The following NTRK1 variants were observed in gnomAD, a reference collection of about 807,000 sequenced individuals.
The protein encoded by NTRK1 is neurotrophic receptor tyrosine kinase 1.
Under a neutral mutation model 86.8 loss-of-function variants are expected in NTRK1, and 62 were observed. The ratio of observed to expected loss-of-function variants is 0.71; its 90% CI spans 0.58 to 0.88. The LOEUF (loss-of-function observed/expected upper bound fraction) is 0.88, where lower values mean the gene tolerates loss of function less well. Ranked by LOEUF, NTRK1 falls within the 40% of genes least tolerant of loss-of-function variation. The probability of loss-of-function intolerance (pLI) is 0.00; values close to 1 mark genes in which losing one functional copy is unlikely to be tolerated. For missense variants in NTRK1, 967 were observed against 1,078.4 expected (o/e 0.90, Z 1.45); for synonymous variants, 469 against 456.6 (o/e 1.03, Z -0.35).
chr1:156,818,114 T>C (rs1654066913), intron 1 of NTRK1, among the ~76,000 whole-genome samples: 1 of 152,098 alleles, frequency 6.6e-6, no homozygotes, highest in Non-Finnish European at 1.5e-5. Flanking sequence ...GTCTGAGAAG[T>C]TGGTGTGAGT....
At chr1:156,839,312 G>C (rs1654691492) in intron 1 of NTRK1, among the ~76,000 whole-genome samples, 1 of 152,262 alleles carries the variant, frequency 6.6e-6, no homozygotes, top group African/African-American at 2.4e-5. Context: ...GACCCAGAGT[G>C]TGTGGCATGT....
chr1:156,848,465 C>G (rs1381975467), intron 2 of NTRK1, among the ~76,000 whole-genome samples: 1 of 152,180 alleles, frequency 6.6e-6, no homozygotes, highest in Non-Finnish European at 1.5e-5. Context: ...TCAGTTGACT[C>G]TCTCCAAAGA....
At chr1:156,825,524 G>A (rs1337907813) in intron 1 of NTRK1, among the ~76,000 whole-genome samples, 1 of 152,144 alleles carries the variant, frequency 6.6e-6, no homozygotes, top group African/African-American at 2.4e-5. Flanking sequence ...TGCTTTCAGG[G>A]AACAAAACTG....
At chr1:156,865,951 T>C (rs1159264946) in intron 3 of NTRK1, among the ~76,000 whole-genome samples, 2 of 152,262 alleles carry the variant, frequency 1.3e-5, no homozygotes, top group Non-Finnish European at 2.9e-5. Context: ...AAAAACGTGC[T>C]CAATGACACT....
Position 156,846,174 on chromosome 1 carries a change from A to C in NTRK1, c.50+3981A>C, listed in dbSNP as rs575489231. The C allele has an allele frequency of 2.3e-5, 34 of 1,496,490 alleles. No homozygotes were observed. In the Admixed American group the frequency reaches 6.8e-4, roughly 30 times the overall value. The allele number at this position is 1,496,490 out of a possible 1,614,324, so 92.7% of individuals were successfully genotyped here. On this transcript the variant is annotated intron_variant, in intron 2 of 16. Transcript: ENST00000392302. Reference sequence around the variant, plus strand: ...GGTGTGGGTCTTCCTCCTGAATACTATCTAGTAATGAGCCCTCCTTTCTGG... The same window carrying C: ...GGTGTGGGTCTTCCTCCTGAATACTCTCTAGTAATGAGCCCTCCTTTCTGG...
intron 2 of NTRK1, among the ~76,000 whole-genome samples, chr1:156,850,843 C>G (rs796960452): frequency 6.6e-6 from 1 of 152,132 alleles, no homozygotes; most frequent in Non-Finnish European, 1.5e-5. Context: ...AGGTGTGAGC[C>G]ACCGTGCCTG....
chr1:156,875,599 C>G lies in NTRK1; in HGVS notation c.1434C>G (p.Pro478=), dbSNP rs1647854186. 6.2e-7 allele frequency: 1 copy of G among 1,613,958 alleles called. No homozygotes were observed. The highest frequency in any genetic ancestry group is 1.7e-5 in the Admixed American group (1 of 60,024). Reference sequence around the variant, plus strand: ...CATTGGGTGGCAGCTCCCTGTCCCCCACCGAGGGCAAAGGCTCTGGGCTCC... The same window carrying G: ...CATTGGGTGGCAGCTCCCTGTCCCCGACCGAGGGCAAAGGCTCTGGGCTCC... ...FMTLGGSSLS[P]TEGKGSGLQG... The change falls in exon 12 of 17, where the codon CCC becomes CCG. Residue 478 remains proline, a synonymous_variant. Transcript: ENST00000524377.
intron 2 of NTRK1, chr1:156,846,823 C>G (rs923674876): frequency 2.4e-6 from 3 of 1,265,336 alleles, no homozygotes; most frequent in Non-Finnish European, 3.5e-6. Flanking sequence ...CACCCCCGCT[C>G]TGAATCACCC....
chr1:156,838,405 T>C (rs1473053421), intron 1 of NTRK1, among the ~76,000 whole-genome samples: 3 of 150,992 alleles, frequency 2.0e-5, no homozygotes, highest in Admixed American at 2.0e-4. Context: ...TCTGTCTGAA[T>C]CTGGGGAAGA....
intron 1 of NTRK1, among the ~76,000 whole-genome samples, chr1:156,836,098 A>C (rs11264569): frequency 0.63 from 95,764 of 151,958 alleles, 30,774 homozygotes; most frequent in East Asian, 0.8. Flanking sequence ...CGTGTCTGTC[A>C]GCCCCCCTCC....
At chr1:156,851,335 A>T (rs754949635) in intron 2 of NTRK1, 1 of 1,614,172 alleles carries the variant, frequency 6.2e-7, no homozygotes, top group Non-Finnish European at 8.5e-7. Context: ...GTTCTTGAAA[A>T]AGCCCAGGGA....
At chr1:156,875,150 C>A (rs1206939894) in intron 11 of NTRK1, 142 bp downstream of exon 11, 3 of 719,970 alleles carry the variant, frequency 4.2e-6, no homozygotes, top group South Asian at 1.6e-5. Flanking sequence ...TAAATGAAGG[C>A]CTGGCTGTGA....
chr1:156,840,731 T>TCCCTGCTCCTGTTCTCTGC (rs1201755348), intron 1 of NTRK1: 1 of 679,994 alleles, frequency 1.5e-6, no homozygotes, highest in Non-Finnish European at 2.6e-6. Flanking sequence ...CCCACAGCCT[T>TCCCTGCTCCTGTTCTCTGC]CCCTGCTCCT....
In NTRK1 at chr1:156,851,406, G is replaced by A. The variant is rs140072588; in HGVS notation, c.50+9213G>A. On this transcript the variant is annotated intron_variant, in intron 2 of 16. Transcript: ENST00000392302. ...CAGTAATGGTTTCTACCAGCCCCAG[G>A]CTGTGCTGCAGCTGTGGCTCCAGGT... The A allele has an allele frequency of 9.7e-4, 1,566 of 1,614,164 alleles. 15 individuals are homozygous for A. The African/African-American group carries it at 0.019, about 19-fold the overall frequency.
In NTRK1 at chr1:156,873,797, G is replaced by A. The variant is rs1213393905; in HGVS notation, c.1015G>A (p.Glu339Lys). The A allele has an allele frequency of 3.7e-6, 6 of 1,613,130 alleles. No homozygotes were observed. Among genetic ancestry groups the A allele is most frequent in the Admixed American group, 1.7e-5 (1 of 59,894 alleles). ...FTEFLEPAANETVRHGCLRLN... is the reference protein window; with the variant it reads ...FTEFLEPAANKTVRHGCLRLN... Reference sequence around the variant, plus strand: ...TGAGTTCCTGGAGCCGGCAGCCAATGAGACCGTGCGGCACGGGTGTCTGCG... The same window carrying A: ...TGAGTTCCTGGAGCCGGCAGCCAATAAGACCGTGCGGCACGGGTGTCTGCG... Residue 339 changes from glutamate to lysine, a missense_variant, in exon 8 of 17, where the codon GAG becomes AAG. Glu to Lys is a moderately conservative substitution (Grantham distance 56). Coordinates refer to ENST00000524377, the MANE Select transcript of NTRK1 (RefSeq NM_002529.4).
chr1:156,849,445 G>C, intron 2 of NTRK1: 2 of 1,401,332 alleles, frequency 1.4e-6, no homozygotes, highest in South Asian at 2.3e-5. Flanking sequence ...TGTCCAGCAC[G>C]TAGAGAGTGT....
At chr1:156,852,324 C>T (rs1655254321) in intron 2 of NTRK1, 1 of 874,670 alleles carries the variant, frequency 1.1e-6, no homozygotes, top group Non-Finnish European at 1.7e-6. Context: ...TCAGATGACA[C>T]TGGTTGCCGA....
chr1:156,854,604 C>T lies in NTRK1; in HGVS notation c.51-9750C>T, dbSNP rs1003547132. Among the ~76,000 whole-genome samples, 1 of 152,188 alleles carries T rather than the reference C, an allele frequency of 6.6e-6. No homozygotes were observed. The highest frequency in any genetic ancestry group is 1.5e-5 in the Non-Finnish European group (1 of 68,026). On this transcript the variant is annotated intron_variant, in intron 2 of 16. Coordinates refer to the NTRK1 transcript ENST00000392302. The surrounding 1 kb of genome is among the most constrained non-coding windows in gnomAD (Gnocchi z 4.2). ...CAGTCAGGCTCCCAACGACTGCAAG[C>T]GACTCCCAGCGACTTCATTCTTGCA...
At chr1:156,878,195 A>G (rs1347372112) in intron 14 of NTRK1, among the ~76,000 whole-genome samples, 1 of 152,192 alleles carries the variant, frequency 6.6e-6, no homozygotes, top group African/African-American at 2.4e-5. Flanking sequence ...TTGTACTTCC[A>G]GTTCCCTCTG....
Sources: gnomAD v4.1 joint callset for allele counts (sites outside exome capture counted in the v4.1 genomes callset) on GRCh38, gnomAD v4.1.1 for gene constraint, Gnocchi (gnomAD v3.1) non-coding constraint, MANE v1.5 for transcripts, NCBI Gene and HGNC (gene_info 2026-07-23, HGNC 2026-07-21) for gene names.